GREB1L: variants seen among roughly 807,000 people sequenced by gnomAD.
GREB1L encodes the protein GREB1 like retinoic acid receptor coactivator, also known as GREB1-like protein.
GREB1L carries 17 observed loss-of-function variants against 200.8 expected under a neutral mutation model. That is an observed-to-expected ratio of 0.08 (90% CI 0.06 to 0.13). The LOEUF is 0.13. Ranked by LOEUF, GREB1L falls within the 10% of genes least tolerant of loss-of-function variation. The pLI, the probability that GREB1L is intolerant of heterozygous loss-of-function variation, is 1.00. For missense variants in GREB1L, 1,657 were observed against 2,367.7 expected (o/e 0.70, Z 6.23); for synonymous variants, 789 against 893.0 (o/e 0.88, Z 2.08).
chr18:21,324,787 G>A (rs1370864419), intron 1 of GREB1L, among the ~76,000 whole-genome samples: 1 of 152,206 alleles, frequency 6.6e-6, no homozygotes, highest in African/African-American at 2.4e-5. Flanking sequence ...TCCAGCCTGG[G>A]CGACAGAGCG....
intron 29 of GREB1L, 111 bp downstream of exon 29, chr18:21,515,755 C>G (rs1296509488): frequency 8.8e-6 from 7 of 795,312 alleles, no homozygotes; most frequent in Non-Finnish European, 1.4e-5. Context: ...GAAGCTGACT[C>G]TTTATGTGGG....
At position 21,485,699 on chromosome 18, in the gene GREB1L, C is replaced by G; in HGVS notation, c.2636C>G (p.Pro879Arg). Residue 879 changes from proline to arginine, a missense_variant, in exon 18 of 33, where the codon CCA becomes CGA. Coordinates refer to ENST00000424526, the MANE Select transcript of GREB1L (RefSeq NM_001142966.3). ...TCTCTGCAGTGGGGGATCACGAGCCCACTTCTGAGATGTGACGAGACTTTT... is the reference window on the plus strand; with the variant it reads ...TCTCTGCAGTGGGGGATCACGAGCCGACTTCTGAGATGTGACGAGACTTTT... ...SKSLQWGITS[P>R]LLRCDETFEK... 1 of 1,551,492 alleles carries G rather than the reference C, an allele frequency of 6.4e-7. No homozygotes were observed. Among genetic ancestry groups the G allele is most frequent in the South Asian group, 1.2e-5 (1 of 84,048 alleles).
rs546958622 is a variant in GREB1L, at chr18:21,249,150, T to A, written c.-120+6757T>A. ...ATTTCTATTGTAGAATCTTTTTTTTTTTATTTAGGTAGATAACTTAGTTAC... is the reference window on the plus strand; with the variant it reads ...ATTTCTATTGTAGAATCTTTTTTTTATTATTTAGGTAGATAACTTAGTTAC... On this transcript the variant is annotated intron_variant, in intron 1 of 32. Coordinates refer to ENST00000424526, the MANE Select transcript of GREB1L (RefSeq NM_001142966.3). Among the ~76,000 whole-genome samples, 6 of 152,310 alleles carry A rather than the reference T, an allele frequency of 3.9e-5. No homozygotes were observed. In the South Asian group the frequency reaches 1.0e-3, roughly 26 times the overall value.
At chr18:21,277,623 A>T (rs1017078399) in intron 1 of GREB1L, among the ~76,000 whole-genome samples, 1 of 152,242 alleles carries the variant, frequency 6.6e-6, no homozygotes, top group South Asian at 2.1e-4. Context: ...GCCTTTGTGT[A>T]AACTCCTCCA....
At chr18:21,327,362 T>C (rs1443693760) in intron 1 of GREB1L, among the ~76,000 whole-genome samples, 2 of 152,172 alleles carry the variant, frequency 1.3e-5, no homozygotes, top group African/African-American at 2.4e-5. Flanking sequence ...GTCCCAGACC[T>C]GTTGGGTCAC....
chr18:21,363,299 C>CCCCA (rs1555631604), intron 1 of GREB1L, among the ~76,000 whole-genome samples: 4 of 105,576 alleles, frequency 3.8e-5, no homozygotes, highest in Admixed American at 3.2e-4. Context: ...CCCCCCCCCC[C>CCCCA]CACACACACA....
At chr18:21,286,397 A>T (rs1233613991) in intron 1 of GREB1L, among the ~76,000 whole-genome samples, 1 of 152,218 alleles carries the variant, frequency 6.6e-6, no homozygotes, top group Non-Finnish European at 1.5e-5. Flanking sequence ...AGGAGGGTGT[A>T]ATAAAATAGA....
chr18:21,345,084 G>T (rs1434089451), intron 1 of GREB1L, among the ~76,000 whole-genome samples: 13 of 152,106 alleles, frequency 8.5e-5, no homozygotes, highest in Admixed American at 8.5e-4. Flanking sequence ...CCCATTAATT[G>T]CCTTGACTTT....
intron 4 of GREB1L, among the ~76,000 whole-genome samples, chr18:21,389,483 A>G (rs771890274): frequency 6.6e-6 from 1 of 151,650 alleles, no homozygotes; most frequent in Non-Finnish European, 1.5e-5. Context: ...TTTCTCCTCT[A>G]GGTGTCCTCA....
chr18:21,483,944 CCA>C (rs1471270710), intron 17 of GREB1L, among the ~76,000 whole-genome samples: 1 of 149,368 alleles, frequency 6.7e-6, no homozygotes, highest in Non-Finnish European at 1.5e-5. Flanking sequence ...CCACTGCACT[CCA>C]GCCTGGGTGA....
At chr18:21,302,500 C>T (rs1201639990) in intron 1 of GREB1L, among the ~76,000 whole-genome samples, 1 of 152,148 alleles carries the variant, frequency 6.6e-6, no homozygotes, top group Non-Finnish European at 1.5e-5. Context: ...AGAGGGAAAG[C>T]TGATTGGTTA....
intron 1 of GREB1L, among the ~76,000 whole-genome samples, chr18:21,339,545 G>A (rs1452296790): frequency 6.6e-6 from 1 of 152,188 alleles, no homozygotes; most frequent in Non-Finnish European, 1.5e-5. Flanking sequence ...AAGGACCTAG[G>A]TTTGAATCTT....
intron 1 of GREB1L, among the ~76,000 whole-genome samples, chr18:21,246,178 G>T (rs1017838): frequency 0.18 from 27,015 of 150,396 alleles, 5,530 homozygotes; most frequent in African/African-American, 0.51. Flanking sequence ...CCTAGCTCTA[G>T]TACTCATTGG....
chr18:21,444,364 G>C lies in GREB1L; in HGVS notation c.1348G>C (p.Val450Leu), dbSNP rs775869656. The C allele has an allele frequency of 2.3e-5, 35 of 1,552,168 alleles. No homozygotes were observed. The South Asian group carries it at 3.6e-4, about 16-fold the overall frequency. ...GTTGACCGGCAGCCAATTTCTGAGCGTGGAAAACATGATTCTTCTGACGAT... is the reference window on the plus strand; with the variant it reads ...GTTGACCGGCAGCCAATTTCTGAGCCTGGAAAACATGATTCTTCTGACGAT... ...LGLTGSQFLS[V>L]ENMILLTIQY... The change falls in exon 11 of 33, where the codon GTG becomes CTG. Residue 450 changes from valine to leucine, a missense_variant. Val to Leu is a conservative substitution (Grantham distance 32). Around this residue, in one of 9 missense-constraint regions of GREB1L, gnomAD observed 289 missense variants for 345.1 expected, o/e 0.84. Transcript: ENST00000424526.
intron 7 of GREB1L, among the ~76,000 whole-genome samples, chr18:21,408,097 A>T (rs2030490939): frequency 6.6e-6 from 1 of 152,238 alleles, no homozygotes; most frequent in Non-Finnish European, 1.5e-5. Flanking sequence ...ATTTTTAAAT[A>T]GCTAGAAGAG....
intron 2 of GREB1L, among the ~76,000 whole-genome samples, chr18:21,376,791 C>T (rs1159271934): frequency 2.4e-5 from 3 of 124,678 alleles, no homozygotes; most frequent in East Asian, 2.3e-4. Flanking sequence ...GGCAACAGAG[C>T]GAGACTCTGA....
chr18:21,383,108 A>C (rs1464491972), intron 2 of GREB1L, among the ~76,000 whole-genome samples: 1 of 152,164 alleles, frequency 6.6e-6, no homozygotes. Context: ...GAGAAAATTC[A>C]TTACTTACTC....
intron 2 of GREB1L, among the ~76,000 whole-genome samples, chr18:21,376,263 C>T (rs1444730500): frequency 2.0e-5 from 3 of 151,666 alleles, no homozygotes; most frequent in Admixed American, 6.6e-5. Context: ...GGATTACAGG[C>T]GCCTGCCACC....
intron 1 of GREB1L, among the ~76,000 whole-genome samples, chr18:21,311,992 C>T (rs1178959580): frequency 2.6e-5 from 4 of 152,084 alleles, no homozygotes; most frequent in Non-Finnish European, 5.9e-5. Context: ...ACCTTCCACC[C>T]GCAAGTAGGC....
Sources: gnomAD v4.1 joint callset for allele counts (sites outside exome capture counted in the v4.1 genomes callset) on GRCh38, gnomAD v4.1.1 for gene constraint, gnomAD v4.1.1 regional missense constraint, MANE v1.5 for transcripts, NCBI Gene and HGNC (gene_info 2026-07-23, HGNC 2026-07-21) for gene names.